Variants in NRG3 observed in about 807,000 individuals in gnomAD.
NRG3 encodes pro-neuregulin-3, membrane-bound isoform.
Under a neutral mutation model 66.9 loss-of-function variants are expected in NRG3, and 31 were observed. That is an observed-to-expected ratio of 0.46 (90% CI 0.35 to 0.63). The LOEUF is 0.63. NRG3 is among the 20% of genes least tolerant of loss of function. NRG3 has a pLI of 0.00. For missense variants in NRG3, 910 were observed against 878.9 expected (o/e 1.04, Z -0.45); for synonymous variants, 393 against 359.4 (o/e 1.09, Z -1.06).
rs1853424369 is a variant in NRG3, at chr10:82,986,234, G to A, written c.*629G>A. ...GATTTGAATGCACAGATCTCAGCTG[G>A]AGGTATGAAATTATTACAGAAAAAG... On this transcript the variant is annotated 3_prime_UTR_variant, in exon 9 of 9. Transcript: ENST00000372141. 2 of 152,178 alleles carry A rather than the reference G, an allele frequency of 1.3e-5. No homozygotes were observed. Among genetic ancestry groups the A allele is most frequent in the Admixed American group, 1.3e-4 (2 of 15,286 alleles). The allele number at this position is 152,178 out of a possible 1,614,324, so 9.4% of individuals were successfully genotyped here. A position where few individuals can be genotyped will look rare whatever the true frequency, so the allele number is the denominator to read the frequency against.
At chr10:82,549,496 G>A (rs916830973) in intron 2 of NRG3, among the ~76,000 whole-genome samples, 6 of 152,110 alleles carry the variant, frequency 3.9e-5, no homozygotes, top group Non-Finnish European at 8.8e-5. Context: ...TGCAGAAAAT[G>A]CCAGCAGATT....
intron 1 of NRG3, among the ~76,000 whole-genome samples, chr10:82,160,717 C>T (rs1230241843): frequency 6.6e-6 from 1 of 151,944 alleles, no homozygotes; most frequent in African/African-American, 2.4e-5. Context: ...TTCTCTAAAA[C>T]ATTGAATATT....
Position 82,487,267 on chromosome 10 carries a change from G to A in NRG3, c.953+128399G>A, listed in dbSNP as rs1466221998. On this transcript the variant is annotated intron_variant, in intron 2 of 8. Coordinates refer to ENST00000372141, the MANE Select transcript of NRG3 (RefSeq NM_001010848.4). ...CAGTATAAAAGCCAGATACTTCATC[G>A]TCCTGCAAGTATGTAAATGCATTTT... is the stretch of plus-strand genomic sequence containing the variant. Among the ~76,000 whole-genome samples the A allele has an allele frequency of 9.9e-5, 15 of 151,830 alleles. No homozygotes were observed. In the East Asian group the frequency reaches 2.5e-3, roughly 25 times the overall value.
chr10:82,919,163 C>A (rs2132048132), intron 4 of NRG3, among the ~76,000 whole-genome samples: 1 of 151,744 alleles, frequency 6.6e-6, no homozygotes, highest in Non-Finnish European at 1.5e-5. Flanking sequence ...CTCAAAGCAG[C>A]ATCAACTTTA....
At chr10:82,812,524 C>G (rs1565342026) in intron 3 of NRG3, among the ~76,000 whole-genome samples, 1 of 152,054 alleles carries the variant, frequency 6.6e-6, no homozygotes, top group East Asian at 1.9e-4. Context: ...ATTAAACTGA[C>G]ATAATTATAG....
At chr10:82,389,781 A>G (rs2086231887) in intron 2 of NRG3, among the ~76,000 whole-genome samples, 1 of 152,208 alleles carries the variant, frequency 6.6e-6, no homozygotes, top group Admixed American at 6.5e-5. Flanking sequence ...AAAAGTTTCC[A>G]TTATGTACCA....
chr10:82,297,859 G>A (rs551842998), intron 1 of NRG3, among the ~76,000 whole-genome samples: 5 of 152,110 alleles, frequency 3.3e-5, no homozygotes, highest in African/African-American at 1.2e-4. Flanking sequence ...GAAAAAATCT[G>A]GACCAGGTGT....
At chr10:82,567,546 G>A (rs1351046833) in intron 2 of NRG3, among the ~76,000 whole-genome samples, 3 of 152,038 alleles carry the variant, frequency 2.0e-5, no homozygotes, top group African/African-American at 7.2e-5. Context: ...TGTGTGTATA[G>A]GTAGTTACAC....
At chr10:82,747,606 T>C (rs1453926683) in intron 3 of NRG3, among the ~76,000 whole-genome samples, 1 of 152,100 alleles carries the variant, frequency 6.6e-6, no homozygotes, top group Non-Finnish European at 1.5e-5. Context: ...TTTTCACTTG[T>C]TTATTGGTCA....
intron 1 of NRG3, among the ~76,000 whole-genome samples, chr10:81,881,619 G>A (rs753128915): frequency 6.6e-5 from 10 of 151,976 alleles, no homozygotes; most frequent in Non-Finnish European, 1.3e-4. Flanking sequence ...TATCTATCTG[G>A]GGGCATTGCA....
At chr10:82,299,835 T>A (rs1412572209) in intron 1 of NRG3, among the ~76,000 whole-genome samples, 1 of 152,028 alleles carries the variant, frequency 6.6e-6, no homozygotes, top group Non-Finnish European at 1.5e-5. Flanking sequence ...TTCCAAGGGA[T>A]GCAAAAAACC....
intron 1 of NRG3, among the ~76,000 whole-genome samples, chr10:82,280,508 C>T (rs185114165): frequency 9.9e-5 from 15 of 152,270 alleles, no homozygotes; most frequent in East Asian, 5.8e-4. Context: ...TTTTATAGCT[C>T]GTGCAAAGCT....
intron 3 of NRG3, among the ~76,000 whole-genome samples, chr10:82,860,855 G>A (rs1210400777): frequency 6.6e-6 from 1 of 152,172 alleles, no homozygotes; most frequent in African/African-American, 2.4e-5. Context: ...GTGAATGAAT[G>A]AACTATTAAT....
chr10:82,461,556 G>T (rs754959368), intron 2 of NRG3, among the ~76,000 whole-genome samples: 1 of 152,160 alleles, frequency 6.6e-6, no homozygotes, highest in Non-Finnish European at 1.5e-5. Flanking sequence ...AGCTCATGTA[G>T]ATTTATCCAT....
At chr10:81,884,412 T>C (rs909799941) in intron 1 of NRG3, among the ~76,000 whole-genome samples, 5 of 152,226 alleles carry the variant, frequency 3.3e-5, no homozygotes, top group Admixed American at 1.3e-4. Context: ...GTTCTGAATG[T>C]TGTCTTCTTG....
At chr10:82,263,512 A>T (rs957915210) in intron 1 of NRG3, among the ~76,000 whole-genome samples, 3 of 152,144 alleles carry the variant, frequency 2.0e-5, no homozygotes, top group Admixed American at 6.5e-5. Context: ...ATTTTGCTGA[A>T]CTGATATAGT....
At chr10:82,063,512 CT>C (rs60251056) in intron 1 of NRG3, among the ~76,000 whole-genome samples, 1 of 147,480 alleles carries the variant, frequency 6.8e-6, no homozygotes, top group Non-Finnish European at 1.5e-5. Context: ...AGGAAAAGAT[CT>C]TTTTTTTTTT....
intron 4 of NRG3, among the ~76,000 whole-genome samples, chr10:82,896,716 A>C (rs1373829608): frequency 6.6e-6 from 1 of 152,206 alleles, no homozygotes; most frequent in Non-Finnish European, 1.5e-5. Context: ...ATGTTTATTC[A>C]ACAAATTATA....
At chr10:82,793,638 C>A (rs1284673571) in intron 3 of NRG3, among the ~76,000 whole-genome samples, 2 of 152,162 alleles carry the variant, frequency 1.3e-5, no homozygotes, top group Non-Finnish European at 2.9e-5. Flanking sequence ...TAAAAAACAA[C>A]AACGAAGTTT....
Sources: gnomAD v4.1 joint callset for allele counts (sites outside exome capture counted in the v4.1 genomes callset) on GRCh38, gnomAD v4.1.1 for gene constraint, MANE v1.5 for transcripts, NCBI Gene and HGNC (gene_info 2026-07-23, HGNC 2026-07-21) for gene names.